ARF3: variants seen among roughly 807,000 people sequenced by gnomAD.
ARF3 encodes ARF GTPase 3.
A neutral mutation model predicts 19.3 loss-of-function variants in ARF3; 5 were observed. That is an observed-to-expected ratio of 0.26 (90% confidence interval 0.14 to 0.54). The LOEUF (loss-of-function observed/expected upper bound fraction) is 0.54, where lower values mean the gene tolerates loss of function less well. Among genes scored for constraint, ARF3 ranks in the 20% least tolerant of loss-of-function variants. The pLI, the probability that ARF3 is intolerant of heterozygous loss-of-function variation, is 0.95. For missense variants in ARF3, 77 were observed against 234.2 expected (o/e 0.33, Z 4.38); for synonymous variants, 71 against 89.2 (o/e 0.80, Z 1.15).
In ARF3 at chr12:48,937,422, C is replaced by A. The variant is rs1327885446; in HGVS notation, c.*1525G>T. 1 of 152,648 alleles carries A rather than the reference C, an allele frequency of 6.6e-6. No individual in the cohort carries two copies. Among genetic ancestry groups the A allele is most frequent in the Non-Finnish European group, 1.5e-5 (1 of 68,172 alleles). The allele number at this position is 152,648 out of a possible 1,614,324, so 9.5% of individuals were successfully genotyped here. ...ACAGAAGTCAGGACCCAGGCGAGGACCTCAGGAACAAGTGCCCCCTGCAGA... is the reference window on the plus strand; with the variant it reads ...ACAGAAGTCAGGACCCAGGCGAGGAACTCAGGAACAAGTGCCCCCTGCAGA... On this transcript the variant is annotated 3_prime_UTR_variant, in exon 5 of 5. Coordinates refer to ENST00000256682, the MANE Select transcript of ARF3 (RefSeq NM_001659.3).
intron 2 of ARF3, among the ~76,000 whole-genome samples, chr12:48,940,630 A>AACTT (rs1940239397): frequency 6.6e-6 from 1 of 152,224 alleles, no homozygotes; most frequent in Non-Finnish European, 1.5e-5. Flanking sequence ...AAACCCAAGT[A>AACTT]ATTCCAAGCC....
At chr12:48,947,518 G>C (rs1940380241) in intron 1 of ARF3, among the ~76,000 whole-genome samples, 1 of 152,104 alleles carries the variant, frequency 6.6e-6, no homozygotes, top group South Asian at 2.1e-4. Flanking sequence ...ATGTTAACCA[G>C]GATGGTCTTG....
At chr12:48,947,078 CCAAA>C (rs1417192991) in intron 1 of ARF3, among the ~76,000 whole-genome samples, 1 of 152,154 alleles carries the variant, frequency 6.6e-6, no homozygotes, top group African/African-American at 2.4e-5. Flanking sequence ...GCACAGCTAA[CCAAA>C]CAGACCAATA....
chr12:48,941,522 GCAT>G (rs1382169123), intron 1 of ARF3: 1 of 153,508 alleles, frequency 6.5e-6, no homozygotes, highest in East Asian at 1.9e-4. Flanking sequence ...ATACCCAAAG[GCAT>G]TGTAAGATCA....
At chr12:48,950,141 T>C (rs914309019) in intron 1 of ARF3, among the ~76,000 whole-genome samples, 2 of 152,208 alleles carry the variant, frequency 1.3e-5, no homozygotes, top group Non-Finnish European at 2.9e-5. Context: ...CAGCCTCAAA[T>C]TCTTGGGCTC....
chr12:48,946,972 C>T (rs1001648755), intron 1 of ARF3, among the ~76,000 whole-genome samples: 3 of 152,244 alleles, frequency 2.0e-5, no homozygotes, highest in African/African-American at 7.2e-5. Flanking sequence ...AGACCAGGGT[C>T]TCCCAAACCC....
At chr12:48,956,366 C>T (rs1473442548) in intron 1 of ARF3, 1 of 152,326 alleles carries the variant, frequency 6.6e-6, no homozygotes, top group Non-Finnish European at 1.5e-5. Flanking sequence ...AAGATGGAGA[C>T]CCGCCTTAAT....
chr12:48,938,359 A>C lies in ARF3; in HGVS notation c.*588T>G, dbSNP rs1294226694. ...CTTCCCTTAATCTCACCAACACGGA[A>C]GGGGCAGATGACAGGCTCCAGTGGG... On this transcript the variant is annotated 3_prime_UTR_variant, in exon 5 of 5. Coordinates refer to ENST00000256682, the MANE Select transcript of ARF3 (RefSeq NM_001659.3). The C allele has an allele frequency of 6.6e-6, 3 of 454,188 alleles. No homozygotes were observed. Among genetic ancestry groups the C allele is most frequent in the Non-Finnish European group, 1.3e-5 (3 of 226,928 alleles). The allele number at this position is 454,188 out of a possible 1,614,324, so 28.1% of individuals were successfully genotyped here.
intron 1 of ARF3, among the ~76,000 whole-genome samples, chr12:48,943,462 A>C (rs1424301075): frequency 6.6e-6 from 1 of 151,972 alleles, no homozygotes; most frequent in African/African-American, 2.4e-5. Flanking sequence ...ACACACACAC[A>C]CCCCAAACTC....
intron 1 of ARF3, among the ~76,000 whole-genome samples, chr12:48,946,539 T>C (rs867451907): frequency 3.9e-5 from 6 of 152,186 alleles, no homozygotes; most frequent in African/African-American, 1.4e-4. Flanking sequence ...TAAAAAGATA[T>C]CTGCAGGTTC....
In ARF3 at chr12:48,938,728, T is replaced by C. The variant is rs774591320; in HGVS notation, c.*219A>G. On this transcript the variant is annotated 3_prime_UTR_variant, in exon 5 of 5. Coordinates refer to ENST00000256682, the MANE Select transcript of ARF3 (RefSeq NM_001659.3). ...AACTTTTTGTTTTAAATCCAGTAAATTGGAATGACTCATCATCAGGACAGC... is the reference window on the plus strand; with the variant it reads ...AACTTTTTGTTTTAAATCCAGTAAACTGGAATGACTCATCATCAGGACAGC... 8.2e-6 allele frequency: 5 copies of C among 606,900 alleles called. No individual in the cohort carries two copies. The highest frequency in any genetic ancestry group is 4.0e-5 in the South Asian group (2 of 50,142). 37.6% of individuals were successfully genotyped at this position (606,900 alleles called of 1,614,324 possible).
Position 48,940,082 on chromosome 12 carries a change from A to G in ARF3, c.174T>C (p.Tyr58=). 1 of 1,613,526 alleles carries G rather than the reference A, an allele frequency of 6.2e-7. No homozygotes were observed. The change falls in exon 3 of 5, where the codon TAT becomes TAC. Residue 58 remains tyrosine, a synonymous_variant. Coordinates refer to ENST00000256682, the MANE Select transcript of ARF3 (RefSeq NM_001659.3). ...TIGFNVETVE[Y]KNISFTVWDV... ...CCCACACTGTAAAGCTGATGTTCTT[A>G]TACTCCACTGTCTCCACATTGAACC... is the stretch of plus-strand genomic sequence containing the variant.
rs773731361 is a variant in ARF3 at position 48,939,621 on chromosome 12, G to A, written c.384+34C>T. 1 of 1,613,442 alleles carries A rather than the reference G, an allele frequency of 6.2e-7. No homozygotes were observed. The highest frequency in any genetic ancestry group is 8.5e-7 in the Non-Finnish European group (1 of 1,179,430). On this transcript the variant is annotated intron_variant, in intron 4 of 4. Transcript: ENST00000256682. The surrounding 1 kb of genome is among the most constrained non-coding windows in gnomAD (Gnocchi z 4.8). Reference sequence around the variant, plus strand: ...CAACAATTTCCACAGCCAGTTTGCTGTCTCCCAAATTCAGGGGTGGGAAGA... The same window carrying A: ...CAACAATTTCCACAGCCAGTTTGCTATCTCCCAAATTCAGGGGTGGGAAGA...
intron 1 of ARF3, among the ~76,000 whole-genome samples, chr12:48,954,745 C>T (rs1250026526): frequency 1.3e-5 from 2 of 152,148 alleles, no homozygotes; most frequent in Admixed American, 1.3e-4. Context: ...AGAGTTCAGG[C>T]ATGGTGGTTC....
At chr12:48,942,379 C>G (rs950753903) in intron 1 of ARF3, among the ~76,000 whole-genome samples, 3 of 152,002 alleles carry the variant, frequency 2.0e-5, no homozygotes, top group Admixed American at 2.0e-4. Flanking sequence ...CCATGCCTGG[C>G]CCAAAGCTTT....
At chr12:48,950,290 G>C (rs1173147714) in intron 1 of ARF3, among the ~76,000 whole-genome samples, 1 of 151,260 alleles carries the variant, frequency 6.6e-6, no homozygotes, top group Non-Finnish European at 1.5e-5. Flanking sequence ...CCACCTCCCA[G>C]GCTCGAGCAA....
chr12:48,954,148 T>C (rs9783477), intron 1 of ARF3, among the ~76,000 whole-genome samples: 49,625 of 152,150 alleles, frequency 0.33, 9,144 homozygotes, highest in Admixed American at 0.47. Flanking sequence ...ATGAATACTA[T>C]TCTTGTGCCC....
In ARF3 at chr12:48,936,573, C is replaced by A. The variant is rs978557705; in HGVS notation, c.*2374G>T. ...GGATACTACCAAGATCACTTACTGC[C>A]CCCTGCTGGACAGATCTGGGGCAGC... is the stretch of plus-strand genomic sequence containing the variant. On this transcript the variant is annotated 3_prime_UTR_variant, in exon 5 of 5. Transcript: ENST00000256682. The A allele has an allele frequency of 2.0e-5, 3 of 152,628 alleles. No individual in the cohort carries two copies. Among genetic ancestry groups the A allele is most frequent in the African/African-American group, 7.2e-5 (3 of 41,410 alleles). The allele number at this position is 152,628 out of a possible 1,614,324, so 9.5% of individuals were successfully genotyped here.
chr12:48,948,840 G>C (rs1940410346), intron 1 of ARF3, among the ~76,000 whole-genome samples: 1 of 152,070 alleles, frequency 6.6e-6, no homozygotes, highest in Non-Finnish European at 1.5e-5. Context: ...AAAATGATGA[G>C]GGATGGGGCT....
Sources: gnomAD v4.1 joint callset for allele counts (sites outside exome capture counted in the v4.1 genomes callset) on GRCh38, gnomAD v4.1.1 for gene constraint, Gnocchi (gnomAD v3.1) non-coding constraint, MANE v1.5 for transcripts, NCBI Gene and HGNC (gene_info 2026-07-23, HGNC 2026-07-21) for gene names.